SPTLC2: variants seen among roughly 807,000 people sequenced by gnomAD.
The protein encoded by SPTLC2 is serine palmitoyltransferase long chain base subunit 2.
In SPTLC2, 21 loss-of-function variants were observed where a neutral mutation model predicts 62.0. The observed-to-expected ratio is 0.34, with a 90% CI of 0.24 to 0.49. The LOEUF (loss-of-function observed/expected upper bound fraction) is 0.49, where lower values mean the gene tolerates loss of function less well. Among genes scored for constraint, SPTLC2 ranks in the 20% least tolerant of loss-of-function variants. The pLI is 0.99. For missense variants in SPTLC2, 511 were observed against 713.0 expected (o/e 0.72, Z 3.23); for synonymous variants, 261 against 261.8 (o/e 1.00, Z 0.03).
At chr14:77,527,766 A>T (rs2079416672) in intron 9 of SPTLC2, among the ~76,000 whole-genome samples, 1 of 152,150 alleles carries the variant, frequency 6.6e-6, no homozygotes, top group South Asian at 2.1e-4. Context: ...GAAAGCCAGG[A>T]AAAGATCCAT....
At chr14:77,607,425 C>T (rs965800275) in intron 1 of SPTLC2, among the ~76,000 whole-genome samples, 11 of 152,120 alleles carry the variant, frequency 7.2e-5, no homozygotes, top group South Asian at 2.1e-4. Context: ...TGTCAAAAAC[C>T]GCAATTACTT....
chr14:77,529,214 A>T (rs944324805), intron 9 of SPTLC2, among the ~76,000 whole-genome samples: 5 of 150,414 alleles, frequency 3.3e-5, no homozygotes, highest in African/African-American at 1.2e-4. Context: ...GAGAAAGAAC[A>T]CATTTCATTC....
At chr14:77,581,987 A>T (rs1169254126) in intron 2 of SPTLC2, among the ~76,000 whole-genome samples, 2 of 152,138 alleles carry the variant, frequency 1.3e-5, no homozygotes, top group Non-Finnish European at 1.5e-5. Flanking sequence ...AAAAAGGGTA[A>T]CAGTACTAAC....
chr14:77,538,620 G>A (rs1056566352), intron 9 of SPTLC2, among the ~76,000 whole-genome samples: 4 of 152,160 alleles, frequency 2.6e-5, no homozygotes, highest in Non-Finnish European at 5.9e-5. Flanking sequence ...GCCCAGGCTG[G>A]AGTGCAGTGG....
intron 9 of SPTLC2, among the ~76,000 whole-genome samples, chr14:77,551,015 T>C (rs2079552813): frequency 1.3e-5 from 2 of 151,840 alleles, no homozygotes; most frequent in African/African-American, 4.8e-5. Context: ...TACAATAAAG[T>C]ATTACATAAC....
At chr14:77,552,676 G>A (rs1399727848) in intron 8 of SPTLC2, among the ~76,000 whole-genome samples, 1 of 151,786 alleles carries the variant, frequency 6.6e-6, no homozygotes, top group African/African-American at 2.4e-5. Flanking sequence ...CGTGGAGGCG[G>A]GCACCTATAA....
At chr14:77,568,956 T>C (rs1168983632) in intron 5 of SPTLC2, among the ~76,000 whole-genome samples, 2 of 151,698 alleles carry the variant, frequency 1.3e-5, no homozygotes, top group Non-Finnish European at 2.9e-5. Flanking sequence ...ATTTTTTGAA[T>C]TGCAAAATCA....
At chr14:77,589,977 C>CAA (rs760780304) in intron 2 of SPTLC2, among the ~76,000 whole-genome samples, 120 of 120,706 alleles carry the variant, frequency 9.9e-4, no homozygotes, top group African/African-American at 3.8e-3. Flanking sequence ...GACCCTGTCT[C>CAA]AAAAAAAAAA....
At chr14:77,604,009 C>G (rs1259521810) in intron 1 of SPTLC2, among the ~76,000 whole-genome samples, 1 of 152,240 alleles carries the variant, frequency 6.6e-6, no homozygotes, top group Non-Finnish European at 1.5e-5. Context: ...ACTCTGCCCC[C>G]ACCACGTGCT....
intron 9 of SPTLC2, among the ~76,000 whole-genome samples, chr14:77,527,745 T>G (rs1375495287): frequency 2.3e-5 from 1 of 43,004 alleles, no homozygotes. Context: ...TGCTTTTTTT[T>G]TTGTTTTTTT....
chr14:77,525,247 T>TA (rs975634211), intron 9 of SPTLC2, among the ~76,000 whole-genome samples: 3 of 152,054 alleles, frequency 2.0e-5, no homozygotes, highest in African/African-American at 7.2e-5. Flanking sequence ...ACTGCACCTG[T>TA]AAACAGCCAC....
intron 6 of SPTLC2, among the ~76,000 whole-genome samples, chr14:77,558,204 C>A (rs1049553585): frequency 2.6e-5 from 4 of 152,144 alleles, no homozygotes; most frequent in African/African-American, 9.7e-5. Context: ...CCCGCCATCA[C>A]GCCAGGCTAA....
chr14:77,587,217 C>T (rs1404404637), intron 2 of SPTLC2, among the ~76,000 whole-genome samples: 2 of 149,838 alleles, frequency 1.3e-5, no homozygotes, highest in South Asian at 2.1e-4. Flanking sequence ...GGTGACAGAA[C>T]GAGACTCAGT....
At chr14:77,610,421 C>T (rs1346078677) in intron 1 of SPTLC2, among the ~76,000 whole-genome samples, 4 of 152,038 alleles carry the variant, frequency 2.6e-5, no homozygotes, top group East Asian at 1.9e-4. Flanking sequence ...GGATTACAGG[C>T]GTGAGCCACG....
At chr14:77,607,036 A>G (rs1007003352) in intron 1 of SPTLC2, among the ~76,000 whole-genome samples, 2 of 152,178 alleles carry the variant, frequency 1.3e-5, no homozygotes, top group African/African-American at 4.8e-5. Context: ...AATAAGAGGT[A>G]AGAGGTAATC....
At chr14:77,552,019 G>C in intron 9 of SPTLC2, 77 bp downstream of exon 9, 1 of 1,580,136 alleles carries the variant, frequency 6.3e-7, no homozygotes, top group African/African-American at 1.3e-5. Context: ...ATTTATTTTA[G>C]GAAAAAAGCT....
chr14:77,570,619 G>T, intron 4 of SPTLC2, 111 bp from the exon 5 acceptor site: 1 of 1,279,934 alleles, frequency 7.8e-7, no homozygotes, highest in Non-Finnish European at 1.1e-6. Context: ...TTCAGACTAA[G>T]ATCTATGAAG....
At chr14:77,515,542 C>CTTGTTTT (rs2079354259) in intron 11 of SPTLC2, among the ~76,000 whole-genome samples, 1 of 124,716 alleles carries the variant, frequency 8.0e-6, no homozygotes, top group Non-Finnish European at 1.6e-5. Flanking sequence ...AAGGGAAAGG[C>CTTGTTTT]TTTTTTTTTT....
At chr14:77,610,700 C>T (rs2079930631) in intron 1 of SPTLC2, among the ~76,000 whole-genome samples, 1 of 151,906 alleles carries the variant, frequency 6.6e-6, no homozygotes, top group African/African-American at 2.4e-5. Flanking sequence ...GGCTGTAATC[C>T]CAGCACTTTG....
Sources: gnomAD v4.1 joint callset for allele counts (sites outside exome capture counted in the v4.1 genomes callset) on GRCh38, gnomAD v4.1.1 for gene constraint, MANE v1.5 for transcripts, NCBI Gene and HGNC (gene_info 2026-07-23, HGNC 2026-07-21) for gene names.